The following ZBP1 variants were observed in gnomAD, a reference collection of about 807,000 sequenced individuals.
ZBP1 encodes the protein Z-DNA binding protein 1.
Under a neutral mutation model 41.1 loss-of-function variants are expected in ZBP1, and 42 were observed. The ratio of observed to expected loss-of-function variants is 1.02; its 90% CI spans 0.80 to 1.32. ZBP1 has a LOEUF of 1.32. ZBP1 is among the 40% of genes most tolerant of loss of function. The pLI is 0.00. For synonymous variants in ZBP1, 214 were observed against 205.2 expected (o/e 1.04, Z -0.37); for missense variants, 562 against 549.7 (o/e 1.02, Z -0.22).
At chr20:57,615,211 C>T (rs1185291869) in intron 3 of ZBP1, 151 bp from the exon 4 acceptor site, 15 of 881,366 alleles carry the variant, frequency 1.7e-5, no homozygotes, top group South Asian at 6.6e-5. Flanking sequence ...GTCATCATGA[C>T]GCACCGCAGA....
At chr20:57,618,751 T>G (rs1214096712) in intron 1 of ZBP1, among the ~76,000 whole-genome samples, 1 of 152,148 alleles carries the variant, frequency 6.6e-6, no homozygotes, top group East Asian at 1.9e-4. Flanking sequence ...CCGGCTGATT[T>G]TTGTATTTTT....
chr20:57,616,853 G>C (rs78161223), intron 1 of ZBP1: 162 of 254,768 alleles, frequency 6.4e-4, no homozygotes, highest in African/African-American at 3.4e-3. Context: ...GAGCGCAAAG[G>C]CAAGTCCTGC....
At position 57,610,689 on chromosome 20, in the gene ZBP1, T is replaced by C; in HGVS notation, c.875-322A>G. On this transcript the variant is annotated intron_variant, in intron 6 of 7. Transcript: ENST00000371173. This position sits in a 1 kb window ranked among gnomAD's most constrained non-coding sequence, Gnocchi z 5.5. ...CTCTGCTGCCTGCTTCCCACTGCAC[T>C]GGAACACTGGCCCCCACTTTTGGTT... is the stretch of plus-strand genomic sequence containing the variant. The C allele has an allele frequency of 2.4e-6, 1 of 419,306 alleles. No individual in the cohort carries two copies. The highest frequency in any genetic ancestry group is 2.0e-5 in the African/African-American group (1 of 49,912). The allele number at this position is 419,306 out of a possible 1,614,324, so 26.0% of individuals were successfully genotyped here.
In ZBP1 at chr20:57,604,241, A is replaced by G. The variant is rs2070439129; in HGVS notation, c.*332T>C. 2 of 433,606 alleles carry G rather than the reference A, an allele frequency of 4.6e-6. No homozygotes were observed. Among genetic ancestry groups the G allele is most frequent in the African/African-American group, 4.0e-5 (2 of 49,714 alleles). The allele number at this position is 433,606 out of a possible 1,614,324, so 26.9% of individuals were successfully genotyped here. On this transcript the variant is annotated 3_prime_UTR_variant, in exon 8 of 8. Transcript: ENST00000371173. ...AAACCACAGCAGGTAGCCATGATGGAAGGTAACTCCAGGCAGATGCCCCGA... is the reference window on the plus strand; with the variant it reads ...AAACCACAGCAGGTAGCCATGATGGGAGGTAACTCCAGGCAGATGCCCCGA...
chr20:57,615,510 A>G lies in ZBP1; in HGVS notation c.328+2T>C, dbSNP rs1192069954. Reference sequence around the variant, plus strand: ...GAACTGAAGGGACATGCAAAAACTTACCCCGTTGTTGGCTGAACTGAGGGC... The same window carrying G: ...GAACTGAAGGGACATGCAAAAACTTGCCCCGTTGTTGGCTGAACTGAGGGC... On this transcript the variant is annotated splice_donor_variant, in intron 3 of 7. Transcript: ENST00000371173. LOFTEE classifies it high-confidence loss of function. 6.2e-7 allele frequency: 1 copy of G among 1,612,374 alleles called. No homozygotes were observed. The highest frequency in any genetic ancestry group is 8.5e-7 in the Non-Finnish European group (1 of 1,179,498).
chr20:57,607,089 G>A (rs1249224720), intron 7 of ZBP1: 1 of 1,303,694 alleles, frequency 7.7e-7, no homozygotes, highest in Non-Finnish European at 1.0e-6. Context: ...TTTTATGAGG[G>A]CATAAGTGCA....
At chr20:57,607,421 A>G in intron 7 of ZBP1, 1 of 1,174,298 alleles carries the variant, frequency 8.5e-7, no homozygotes, top group Non-Finnish European at 1.1e-6. Flanking sequence ...ATGGATGAGC[A>G]AAGAAAGTGG....
At chr20:57,612,568 A>G (rs568674252) in intron 5 of ZBP1, among the ~76,000 whole-genome samples, 3 of 152,282 alleles carry the variant, frequency 2.0e-5, no homozygotes, top group Admixed American at 1.3e-4. Flanking sequence ...TTTGGGGCTG[A>G]TGCTGTCACT....
At position 57,604,340 on chromosome 20, in the gene ZBP1, G is replaced by T; in HGVS notation, c.*233C>A. 1 of 661,640 alleles carries T rather than the reference G, an allele frequency of 1.5e-6. No individual in the cohort carries two copies. The highest frequency in any genetic ancestry group is 2.8e-6 in the Non-Finnish European group (1 of 360,318). 41.0% of individuals were successfully genotyped at this position (661,640 alleles called of 1,614,324 possible). A position where few individuals can be genotyped will look rare whatever the true frequency, so the allele number is the denominator to read the frequency against. On this transcript the variant is annotated 3_prime_UTR_variant, in exon 8 of 8. Transcript: ENST00000371173. ...CACTCCCATCTACCCACCTCCTCTT[G>T]GCACACCAAAGGTTCCCCAAGGCAA... is the stretch of plus-strand genomic sequence containing the variant.
At chr20:57,606,966 A>C in intron 7 of ZBP1, 2 of 1,191,982 alleles carry the variant, frequency 1.7e-6, no homozygotes, top group Non-Finnish European at 2.1e-6. Flanking sequence ...GCTCTGATGG[A>C]GATGTAAAAA....
rs1600729311 is a variant in ZBP1 at position 57,610,189 on chromosome 20, T to C, written c.1053A>G (p.Gly351=). The C allele has an allele frequency of 2.5e-6, 4 of 1,614,058 alleles. No homozygotes were observed. The East Asian group carries it at 8.9e-5, about 36-fold the overall frequency. Residue 351 remains glycine (G), a synonymous_variant, in exon 7 of 8, where the codon GGA becomes GGG. Coordinates refer to ENST00000371173, the MANE Select transcript of ZBP1 (RefSeq NM_030776.3). This position sits in a 1 kb window ranked among gnomAD's most constrained non-coding sequence, Gnocchi z 5.5. The part of the protein sequence containing the change: ...SISPGVAGPG[G]VAGSGEGEPG... ...GCTCCCCCTCTCCAGACCCTGCGAC[T>C]CCTCCTGGGCCAGCCACCCCTGGGC...
chr20:57,615,024 G>A lies in ZBP1; in HGVS notation c.365C>T (p.Pro122Leu), dbSNP rs2070779981. The part of the protein sequence containing the change: ...DIYRFLKDNG[P>L]QRALVIAQAL... ...TTGGGCGATGACCAGGGCCCTCTGG[G>A]GACCATTGTCTTTGAGAAACCTGTA... is the stretch of plus-strand genomic sequence containing the variant. The change falls in exon 4 of 8, where the codon CCC becomes CTC. Residue 122 changes from proline (P) to leucine (L), a missense_variant. By Grantham distance (98) the Pro-to-Leu change is moderately conservative (BLOSUM62 -3). Transcript: ENST00000371173. The A allele has an allele frequency of 1.2e-6, 2 of 1,614,070 alleles. No homozygotes were observed. The highest frequency in any genetic ancestry group is 1.7e-5 in the Admixed American group (1 of 60,006).
intron 7 of ZBP1, chr20:57,607,254 T>C: frequency 7.7e-7 from 1 of 1,303,608 alleles, no homozygotes; most frequent in African/African-American, 1.5e-5. Flanking sequence ...TGATTCCAAA[T>C]TTCATGAATG....
intron 1 of ZBP1, 38 bp downstream of exon 1, chr20:57,620,224 G>A (rs904590999): frequency 6.4e-7 from 1 of 1,565,436 alleles, no homozygotes. Context: ...CTCACCCCGG[G>A]AGCTACCGCT....
intron 1 of ZBP1, chr20:57,616,754 C>T: frequency 2.1e-6 from 1 of 471,560 alleles, no homozygotes; most frequent in African/African-American, 2.0e-5. Flanking sequence ...TTCCAGAGGG[C>T]AGTGGGGTTC....
chr20:57,611,642 T>C (rs1198754362), intron 6 of ZBP1, 85 bp downstream of exon 6: 1 of 1,408,058 alleles, frequency 7.1e-7, no homozygotes, highest in East Asian at 2.5e-5. Context: ...CATGCTTCTC[T>C]TCCCAAAAAG....
chr20:57,609,060 G>A (rs1405637844), intron 7 of ZBP1, among the ~76,000 whole-genome samples: 2 of 152,178 alleles, frequency 1.3e-5, no homozygotes, highest in Non-Finnish European at 2.9e-5. Flanking sequence ...AGCATCGACT[G>A]CAGCCTGGAG....
chr20:57,614,224 G>T (rs537050702), intron 4 of ZBP1, among the ~76,000 whole-genome samples: 1 of 152,076 alleles, frequency 6.6e-6, no homozygotes, highest in African/African-American at 2.4e-5. Flanking sequence ...TAGTAGAGAC[G>T]GGGTTTCGCC....
chr20:57,616,273 C>A lies in ZBP1; in HGVS notation c.230G>T (p.Gly77Val). ...GCTGGACAAGGCCAGCTCTGCAGGA[C>A]CCTCGCCTTCAGGATCAGTCCCGCC... Reference protein sequence around the residue: ...CLGGTDPEGEGPAELALSSPA... With the variant: ...CLGGTDPEGEVPAELALSSPA... Residue 77 changes from glycine to valine, a missense_variant, in exon 2 of 8, where the codon GGT (glycine) becomes GTT (valine). By Grantham distance (109) the Gly-to-Val change is moderately radical. Transcript: ENST00000371173. 1.9e-6 allele frequency: 3 copies of A among 1,614,080 alleles called. No individual in the cohort carries two copies. Among genetic ancestry groups the A allele is most frequent in the Non-Finnish European group, 2.5e-6 (3 of 1,180,000 alleles).
Sources: gnomAD v4.1 joint callset for allele counts (sites outside exome capture counted in the v4.1 genomes callset) on GRCh38, gnomAD v4.1.1 for gene constraint, Gnocchi (gnomAD v3.1) non-coding constraint, MANE v1.5 for transcripts, NCBI Gene and HGNC (gene_info 2026-07-23, HGNC 2026-07-21) for gene names.